CHD9: variants seen among roughly 807,000 people sequenced by gnomAD.
The protein encoded by CHD9 is ATP-dependent chromatin remodeler CHD9.
In CHD9, 77 loss-of-function variants were observed where a neutral mutation model predicts 316.1. The ratio of observed to expected loss-of-function variants is 0.24; its 90% CI spans 0.20 to 0.29. CHD9 has a LOEUF of 0.29. CHD9 is among the 10% of genes least tolerant of loss of function. The pLI is 1.00. For missense variants in CHD9, 2,763 were observed against 3,438.1 expected, an observed-to-expected ratio of 0.80 and a Z score of 4.91; for synonymous variants, 1,129 against 1,158.3, an observed-to-expected ratio of 0.97 and a Z score of 0.51.
intron 2 of CHD9, among the ~76,000 whole-genome samples, chr16:53,163,504 C>T (rs2042065654): frequency 6.6e-6 from 1 of 152,194 alleles, no homozygotes; most frequent in African/African-American, 2.4e-5. Flanking sequence ...GCCACTGTGC[C>T]TGGCCAATAT....
intron 2 of CHD9, among the ~76,000 whole-genome samples, chr16:53,168,248 G>C (rs1378039536): frequency 3.3e-5 from 5 of 151,982 alleles, no homozygotes; most frequent in Non-Finnish European, 7.4e-5. Flanking sequence ...TTTTAATAGA[G>C]ATGGGGTTTT....
At chr16:53,303,689 T>G in intron 30 of CHD9, 31 bp from the exon 31 acceptor site, 1 of 1,462,314 alleles carries the variant, frequency 6.8e-7, no homozygotes, top group Non-Finnish European at 9.1e-7. Context: ...ATTTTTGAGA[T>G]TAATATTTTT....
chr16:53,231,479 T>C lies in CHD9; in HGVS notation c.2347T>C (p.Phe783Leu), dbSNP rs36062587. ...AGTAGACAGAGTATTAGAAGTCTCT[T>C]TTTGTGAAGATAAGGATACTGGTGA... ...VEVDRVLEVS[F>L]CEDKDTGEPV... Residue 783 changes from phenylalanine to leucine, a missense_variant, in exon 9 of 39, where the codon TTT becomes CTT. This residue lies in a region of CHD9 where 186 missense variants were observed against 245.0 expected (regional missense o/e 0.76). Coordinates refer to ENST00000447540, the MANE Select transcript of CHD9 (RefSeq NM_001308319.2). 1.7e-3 allele frequency: 2,662 copies of C among 1,598,164 alleles called. 7 individuals carry two copies. The highest frequency in any genetic ancestry group is 2.1e-3 in the Non-Finnish European group (2,403 of 1,167,944).
chr16:53,203,466 T>C lies in CHD9; in HGVS notation c.1453-6016T>C, dbSNP rs190049848. 1.1e-3 allele frequency among the ~76,000 whole-genome samples: 169 copies of C among 152,290 alleles called. 1 individual carries two copies. The highest frequency in any genetic ancestry group is 1.8e-3 in the Non-Finnish European group (125 of 68,010). ...GGGTTTCACCACTGGTTCTCTTCTG[T>C]TATTCTACATTGTCTCTCTAGGCAG... On this transcript the variant is annotated intron_variant, in intron 2 of 38. Coordinates refer to ENST00000447540, the MANE Select transcript of CHD9 (RefSeq NM_001308319.2).
chr16:53,065,029 A>C (rs577408844), intron 1 of CHD9, among the ~76,000 whole-genome samples: 2 of 152,254 alleles, frequency 1.3e-5, no homozygotes, highest in South Asian at 4.1e-4. Flanking sequence ...AAGAAATCAC[A>C]AGGGGAGAAG....
At chr16:53,213,876 G>A (rs2046527142) in intron 3 of CHD9, among the ~76,000 whole-genome samples, 1 of 151,956 alleles carries the variant, frequency 6.6e-6, no homozygotes, top group Non-Finnish European at 1.5e-5. Context: ...ATCAATTATT[G>A]TCCTTTATGA....
At chr16:53,297,423 G>A (rs1212566818) in intron 30 of CHD9, among the ~76,000 whole-genome samples, 1 of 152,172 alleles carries the variant, frequency 6.6e-6, no homozygotes, top group African/African-American at 2.4e-5. Flanking sequence ...TGATTAGGAG[G>A]TGGTGGAAGA....
intron 19 of CHD9, among the ~76,000 whole-genome samples, chr16:53,262,713 C>G (rs1402418080): frequency 6.6e-6 from 1 of 152,078 alleles, no homozygotes; most frequent in East Asian, 1.9e-4. Flanking sequence ...TTCTCTGTAG[C>G]CTCCCCACCA....
chr16:53,307,696 A>T lies in CHD9; in HGVS notation c.6796A>T (p.Asn2266Tyr). 6.2e-7 allele frequency: 1 copy of T among 1,608,702 alleles called. No homozygotes were observed. The highest frequency in any genetic ancestry group is 1.1e-5 in the South Asian group (1 of 89,982). ...GCTTTTCTAGGATCGTGTGATGATC[A>T]ATAGGTTGGACAGTATTTGTCAAAC... ...SYWPKDRVMI[N>Y]RLDSICQTVL... Residue 2266 changes from asparagine (N) to tyrosine (Y), a missense_variant, in exon 33 of 39, where the codon AAT becomes TAT. Physicochemically the swap from Asn to Tyr is moderately radical, Grantham distance 143 (BLOSUM62 -2). Around this residue, in one of 15 missense-constraint regions of CHD9, gnomAD observed 663 missense variants for 751.2 expected, o/e 0.88. Coordinates refer to ENST00000447540, the MANE Select transcript of CHD9 (RefSeq NM_001308319.2).
intron 12 of CHD9, among the ~76,000 whole-genome samples, chr16:53,240,248 G>A (rs933863112): frequency 6.6e-6 from 1 of 152,048 alleles, no homozygotes; most frequent in Non-Finnish European, 1.5e-5. Flanking sequence ...TAGAATTTTA[G>A]AGCTGTATGT....
chr16:53,093,426 A>T (rs1016172383), intron 1 of CHD9, among the ~76,000 whole-genome samples: 3 of 152,204 alleles, frequency 2.0e-5, no homozygotes, highest in Non-Finnish European at 4.4e-5. Flanking sequence ...GTTAGGGATT[A>T]TCATCATCAT....
At chr16:53,243,377 G>T (rs893701948) in intron 13 of CHD9, among the ~76,000 whole-genome samples, 2 of 152,048 alleles carry the variant, frequency 1.3e-5, no homozygotes, top group African/African-American at 4.8e-5. Context: ...GCAGTGGTGC[G>T]GTCTCCACTC....
At chr16:53,069,105 G>A (rs1475554328) in intron 1 of CHD9, among the ~76,000 whole-genome samples, 5 of 152,076 alleles carry the variant, frequency 3.3e-5, no homozygotes, top group Non-Finnish European at 7.4e-5. Context: ...CCCAGGTTCA[G>A]CAATTCTCCT....
In CHD9 at chr16:53,324,059, G is replaced by T. The variant is rs1219703211; in HGVS notation, c.7858G>T (p.Gly2620Cys). 8.7e-6 allele frequency: 14 copies of T among 1,613,598 alleles called. No individual in the cohort carries two copies. Among genetic ancestry groups the T allele is most frequent in the Non-Finnish European group, 1.2e-5 (14 of 1,179,602 alleles). Reference sequence around the variant, plus strand: ...AAGCATGTATGAACGTATTCTCACTGGTCCCGTTGTGAGAGAGGAAGTAAG... The same window carrying T: ...AAGCATGTATGAACGTATTCTCACTTGTCCCGTTGTGAGAGAGGAAGTAAG... ...PESMYERILT[G>C]PVVREEVSRR... is the part of the protein sequence containing the mutation. The change falls in exon 39 of 39, where the codon GGT becomes TGT. Residue 2620 changes from glycine (G) to cysteine (C), a missense_variant. Gly to Cys is a radical substitution (Grantham distance 159). Around this residue, in one of 15 missense-constraint regions of CHD9, gnomAD observed 298 missense variants for 380.2 expected, o/e 0.78. Transcript: ENST00000447540.
At chr16:53,217,918 TTC>T (rs1271280515) in intron 3 of CHD9, among the ~76,000 whole-genome samples, 1 of 42,388 alleles carries the variant, frequency 2.4e-5, no homozygotes, top group Non-Finnish European at 4.9e-5. Flanking sequence ...ACTCTTTTCT[TTC>T]TTTCTTTCTT....
chr16:53,063,195 G>A (rs2033110791), intron 1 of CHD9, among the ~76,000 whole-genome samples: 2 of 142,406 alleles, frequency 1.4e-5, no homozygotes, highest in South Asian at 5.0e-4. Context: ...TTTGAGGTAG[G>A]GACTCTTTGC....
At chr16:53,133,859 C>T (rs1260812388) in intron 1 of CHD9, among the ~76,000 whole-genome samples, 1 of 152,084 alleles carries the variant, frequency 6.6e-6, no homozygotes, top group Non-Finnish European at 1.5e-5. Context: ...TGGTTTACCT[C>T]TGGAAACAGG....
chr16:53,077,354 C>T (rs751109792), intron 1 of CHD9, among the ~76,000 whole-genome samples: 1 of 151,104 alleles, frequency 6.6e-6, no homozygotes, highest in Admixed American at 6.6e-5. Context: ...GATGGGGTCT[C>T]GCTCTGTCGC....
At position 53,247,190 on chromosome 16, in the gene CHD9, T is replaced by C. The variant is rs537088605; in HGVS notation, c.3455-103T>C. On this transcript the variant is annotated intron_variant, in intron 15 of 38. Coordinates refer to ENST00000447540, the MANE Select transcript of CHD9 (RefSeq NM_001308319.2). ...CAATGTACATGCCATTAGAAAATTATGTTACAGAAGCACACAGGAGCACTA... is the reference window on the plus strand; with the variant it reads ...CAATGTACATGCCATTAGAAAATTACGTTACAGAAGCACACAGGAGCACTA... 119 of 772,646 alleles carry C rather than the reference T, an allele frequency of 1.5e-4. No individual in the cohort carries two copies. In the South Asian group the frequency reaches 2.2e-3, roughly 14 times the overall value. 47.9% of individuals were successfully genotyped at this position (772,646 alleles called of 1,614,324 possible).
Sources: gnomAD v4.1 joint callset for allele counts (sites outside exome capture counted in the v4.1 genomes callset) on GRCh38, gnomAD v4.1.1 for gene constraint, gnomAD v4.1.1 regional missense constraint, MANE v1.5 for transcripts, NCBI Gene and HGNC (gene_info 2026-07-23, HGNC 2026-07-21) for gene names.